IQCM: variants seen among roughly 807,000 people sequenced by gnomAD.
IQCM encodes the protein IQ motif containing M.
A neutral mutation model predicts 57.6 loss-of-function variants in IQCM; 45 were observed. That is an observed-to-expected ratio of 0.78 (90% CI 0.62 to 1.00). The LOEUF (loss-of-function observed/expected upper bound fraction) is 1.00. IQCM is among the 50% of genes least tolerant of loss of function. IQCM has a pLI of 0.00. For synonymous variants in IQCM, 148 were observed against 158.9 expected, an observed-to-expected ratio of 0.93 and a Z score of 0.51; for missense variants, 468 against 511.6, an observed-to-expected ratio of 0.91 and a Z score of 0.82.
At chr4:149,468,136 G>A in intron 12 of IQCM, among the ~76,000 whole-genome samples, 1 of 152,148 alleles carries the variant, frequency 6.6e-6, no homozygotes, top group Non-Finnish European at 1.5e-5. Context: ...ACTCACTGGG[G>A]CTTGTCAGAC....
intron 5 of IQCM, among the ~76,000 whole-genome samples, chr4:149,729,269 G>A (rs185801420): frequency 6.6e-6 from 1 of 152,188 alleles, no homozygotes; most frequent in African/African-American, 2.4e-5. Context: ...TACCCTCCTT[G>A]GAGGTTGTAC....
At chr4:149,445,690 T>G (rs1350316518) in intron 12 of IQCM, among the ~76,000 whole-genome samples, 2 of 151,788 alleles carry the variant, frequency 1.3e-5, no homozygotes, top group East Asian at 1.9e-4. Context: ...CGTTACTCTA[T>G]GCAGCCCTTT....
chr4:149,531,481 T>C (rs1167821688), intron 12 of IQCM, among the ~76,000 whole-genome samples: 1 of 152,144 alleles, frequency 6.6e-6, no homozygotes, highest in East Asian at 1.9e-4. Flanking sequence ...CCCTCTCTTT[T>C]TCCAACTGCA....
At chr4:149,352,677 C>A (rs996029916) in intron 13 of IQCM, among the ~76,000 whole-genome samples, 2 of 152,148 alleles carry the variant, frequency 1.3e-5, no homozygotes, top group Non-Finnish European at 2.9e-5. Flanking sequence ...AAATTAGATG[C>A]AACACGTTTG....
chr4:149,433,356 ACTT>A (rs902269493), intron 13 of IQCM, 37 bp downstream of exon 13: 39 of 875,150 alleles, frequency 4.5e-5, no homozygotes, highest in Non-Finnish European at 5.1e-5. Context: ...ATAAGGTATC[ACTT>A]CTTCTTTACA....
intron 10 of IQCM, 105 bp downstream of exon 10, chr4:149,563,587 C>CAA: frequency 2.7e-5 from 20 of 728,208 alleles, no homozygotes; most frequent in South Asian, 7.1e-5. Flanking sequence ...ACTCTATCTC[C>CAA]AAAAAAAAAA....
At chr4:149,588,417 T>A (rs1411391358) in intron 8 of IQCM, among the ~76,000 whole-genome samples, 1 of 151,872 alleles carries the variant, frequency 6.6e-6, no homozygotes, top group Non-Finnish European at 1.5e-5. Flanking sequence ...TCTGATAATT[T>A]GTGATATTTG....
chr4:149,612,881 A>T (rs1755427148), intron 8 of IQCM, among the ~76,000 whole-genome samples: 1 of 152,126 alleles, frequency 6.6e-6, no homozygotes, highest in African/African-American at 2.4e-5. Flanking sequence ...AACACAAAAC[A>T]TAGATAAGAA....
intron 13 of IQCM, among the ~76,000 whole-genome samples, chr4:149,379,945 G>C (rs573669000): frequency 6.6e-6 from 1 of 152,234 alleles, no homozygotes; most frequent in African/African-American, 2.4e-5. Context: ...CCCCCATACT[G>C]TTCTCATGGT....
intron 13 of IQCM, among the ~76,000 whole-genome samples, chr4:149,359,363 A>G (rs1238261538): frequency 6.6e-6 from 1 of 152,190 alleles, no homozygotes; most frequent in Non-Finnish European, 1.5e-5. Context: ...CAAAATATTA[A>G]TGATGAGTTT....
chr4:149,494,351 A>G (rs2149781576), intron 12 of IQCM, among the ~76,000 whole-genome samples: 1 of 152,274 alleles, frequency 6.6e-6, no homozygotes, highest in Non-Finnish European at 1.5e-5. Context: ...AACGTGTCTC[A>G]ATACAATTGC....
chr4:149,724,863 T>C (rs540720113), intron 5 of IQCM, among the ~76,000 whole-genome samples: 262 of 152,122 alleles, frequency 1.7e-3, no homozygotes, highest in African/African-American at 5.2e-3. Flanking sequence ...TACAAAAACA[T>C]TGATTTTACA....
chr4:149,459,075 G>A (rs992553917), intron 12 of IQCM, among the ~76,000 whole-genome samples: 13 of 152,194 alleles, frequency 8.5e-5, no homozygotes, highest in African/African-American at 3.1e-4. Flanking sequence ...GTTTCATAGA[G>A]TGACTGTGAC....
Position 149,352,075 on chromosome 4 carries a change from C to A in IQCM, c.1391-9G>T. 2.5e-6 allele frequency: 1 copy of A among 398,880 alleles called. No individual in the cohort carries two copies. The highest frequency in any genetic ancestry group is 4.4e-6 in the Non-Finnish European group (1 of 225,996). The allele number at this position is 398,880 out of a possible 1,614,324, so 24.7% of individuals were successfully genotyped here. On this transcript the variant is annotated splice_polypyrimidine_tract_variant and intron_variant, in intron 13 of 13. Transcript: ENST00000636793. The stretch of plus-strand genomic sequence containing the variant: ...TGCTGGATGTCCATTTACTATAATA[C>A]AAAACATACAGTCACATTAATATAT...
At chr4:149,388,433 C>T (rs994131764) in intron 13 of IQCM, among the ~76,000 whole-genome samples, 1 of 148,498 alleles carries the variant, frequency 6.7e-6, no homozygotes, top group African/African-American at 2.5e-5. Flanking sequence ...ATTTTCATTT[C>T]CCTAAAGACT....
chr4:149,485,294 T>C (rs1741350461), intron 12 of IQCM, among the ~76,000 whole-genome samples: 1 of 152,080 alleles, frequency 6.6e-6, no homozygotes, highest in African/African-American at 2.4e-5. Flanking sequence ...TAGAATAAAC[T>C]TTCTATTCCT....
chr4:149,724,549 A>G (rs770384793), intron 5 of IQCM, among the ~76,000 whole-genome samples: 3 of 151,962 alleles, frequency 2.0e-5, no homozygotes, highest in Non-Finnish European at 4.4e-5. Flanking sequence ...ACACATATAC[A>G]CAATCACAAA....
At chr4:149,618,929 A>G (rs563823315) in intron 8 of IQCM, among the ~76,000 whole-genome samples, 1 of 152,260 alleles carries the variant, frequency 6.6e-6, no homozygotes, top group East Asian at 1.9e-4. Flanking sequence ...GAGATTTCTC[A>G]GAACTAAAAA....
intron 12 of IQCM, among the ~76,000 whole-genome samples, chr4:149,489,454 A>G (rs529140121): frequency 1.3e-5 from 2 of 152,192 alleles, no homozygotes; most frequent in African/African-American, 4.8e-5. Flanking sequence ...GAAACTCAAT[A>G]ATGAGTGCTA....
Sources: gnomAD v4.1 joint callset for allele counts (sites outside exome capture counted in the v4.1 genomes callset) on GRCh38, gnomAD v4.1.1 for gene constraint, MANE v1.5 for transcripts, NCBI Gene and HGNC (gene_info 2026-07-23, HGNC 2026-07-21) for gene names.